Variants in IL18R1 observed in about 807,000 individuals in gnomAD.
The protein encoded by IL18R1 is interleukin-18 receptor 1.
A neutral mutation model predicts 48.5 loss-of-function variants in IL18R1; 40 were observed. The observed-to-expected ratio is 0.82, with a 90% confidence interval of 0.64 to 1.07. The LOEUF is 1.07. IL18R1 is among the 50% of genes least tolerant of loss of function. The pLI, the probability that IL18R1 is intolerant of heterozygous loss-of-function variation, is 0.00. For missense variants in IL18R1, 596 were observed against 633.7 expected (o/e 0.94, Z 0.64); for synonymous variants, 232 against 225.9 (o/e 1.03, Z -0.24).
chr2:102,370,209 T>A (rs1679172021), intron 3 of IL18R1, among the ~76,000 whole-genome samples: 1 of 152,214 alleles, frequency 6.6e-6, no homozygotes, highest in Non-Finnish European at 1.5e-5. Context: ...ATTGTTTCAG[T>A]GTTCCCAGAG....
chr2:102,356,443 C>G (rs2105013871), intron 1 of IL18R1, 43 bp downstream of exon 1: 2 of 469,726 alleles, frequency 4.3e-6, no homozygotes, highest in East Asian at 1.5e-4. Context: ...CTCCCCACCC[C>G]CCAGAGGAAG....
Position 102,386,852 on chromosome 2 carries a change from C to T in IL18R1, c.810-9C>T. 6.2e-7 allele frequency: 1 copy of T among 1,613,666 alleles called. No individual in the cohort carries two copies. The highest frequency in any genetic ancestry group is 2.2e-5 in the East Asian group (1 of 44,894). On this transcript the variant is annotated splice_polypyrimidine_tract_variant and intron_variant, in intron 7 of 10. Coordinates refer to ENST00000233957, the MANE Select transcript of IL18R1 (RefSeq NM_003855.5). ...GAGCCTACTGCTAAATTATTTTGCCCTCTTACAGGACTCCAGAAGGCAAAT... is the reference window on the plus strand; with the variant it reads ...GAGCCTACTGCTAAATTATTTTGCCTTCTTACAGGACTCCAGAAGGCAAAT...
Position 102,388,979 on chromosome 2 carries a change from T to C in IL18R1, c.950-1077T>C, listed in dbSNP as rs1304450292. ...AGAAAGAATTAGAAATATGGATAAA[T>C]GTATATGCCTTTTTGTATATGTATA... On this transcript the variant is annotated intron_variant, in intron 8 of 10. Transcript: ENST00000233957. 2.6e-5 allele frequency among the ~76,000 whole-genome samples: 4 copies of C among 152,210 alleles called. No homozygotes were observed. In the East Asian group the frequency reaches 7.7e-4, roughly 29 times the overall value.
intron 4 of IL18R1, among the ~76,000 whole-genome samples, chr2:102,374,702 C>T (rs577456417): frequency 4.0e-5 from 6 of 151,568 alleles, no homozygotes; most frequent in East Asian, 1.9e-4. Context: ...CACTTGAACC[C>T]GGGAGGCAGA....
intron 10 of IL18R1, among the ~76,000 whole-genome samples, chr2:102,396,006 C>A (rs931568761): frequency 2.6e-5 from 4 of 152,136 alleles, no homozygotes. Context: ...GTTTGCCAAC[C>A]CCTGGTCTAA....
In IL18R1 at chr2:102,395,063, A is replaced by G. The variant is rs1680750523; in HGVS notation, c.1270+436A>G. Among the ~76,000 whole-genome samples the G allele has an allele frequency of 2.0e-5, 3 of 152,194 alleles. No homozygotes were observed. In the South Asian group the frequency reaches 6.2e-4, roughly 31 times the overall value. Reference sequence around the variant, plus strand: ...CGGGTTAATTATTACTAGAAAATGCATGGGTTTTTATTGTGTTGATATTGG... The same window carrying G: ...CGGGTTAATTATTACTAGAAAATGCGTGGGTTTTTATTGTGTTGATATTGG... On this transcript the variant is annotated intron_variant, in intron 10 of 10. Transcript: ENST00000233957.
In IL18R1 at chr2:102,372,113, T is replaced by C; in HGVS notation, c.463T>C (p.Tyr155His). The change falls in exon 4 of 11, where the codon TAT becomes CAT. Residue 155 changes from tyrosine to histidine, a missense_variant. By Grantham distance (83) the Tyr-to-His change is moderately conservative. Around this residue, in one of 3 missense-constraint regions of IL18R1, gnomAD observed 360 missense variants for 339.4 expected, o/e 1.06. Transcript: ENST00000233957. ...AACACTGGTCAACAGCACATCATTG[T>C]ATAAGGTAATGCTTTTATAATATTT... ...YQTLVNSTSL[Y>H]KNCKKLLLEN... The C allele has an allele frequency of 6.3e-7, 1 of 1,583,520 alleles. No individual in the cohort carries two copies. Among genetic ancestry groups the C allele is most frequent in the South Asian group, 1.2e-5 (1 of 85,108 alleles).
At chr2:102,358,002 T>C (rs989544987) in intron 1 of IL18R1, among the ~76,000 whole-genome samples, 1 of 133,848 alleles carries the variant, frequency 7.5e-6, no homozygotes, top group Non-Finnish European at 1.7e-5. Context: ...AGAAAAATTA[T>C]ATTAAAAAAA....
intron 4 of IL18R1, among the ~76,000 whole-genome samples, chr2:102,375,257 G>T (rs1450608551): frequency 6.6e-6 from 1 of 152,160 alleles, no homozygotes; most frequent in Non-Finnish European, 1.5e-5. Context: ...TGTCAGATGT[G>T]CTGGATTGAA....
rs756338040 is a variant in IL18R1, at chr2:102,372,034, A to C, written c.384A>C (p.Lys128Asn). 3 of 1,602,772 alleles carry C rather than the reference A, an allele frequency of 1.9e-6. No homozygotes were observed. The highest frequency in any genetic ancestry group is 3.4e-5 in the Admixed American group (2 of 58,556). ...TCACTGAAAGACAAGTAACTAGTAA[A>C]ATTGTGGAAGTTAAAAAATTTTTTC... is the stretch of plus-strand genomic sequence containing the variant. ...SCFTERQVTS[K>N]IVEVKKFFQI... Residue 128 changes from lysine (K) to asparagine (N), a missense_variant, in exon 4 of 11, where the codon AAA (lysine) becomes AAC (asparagine). By Grantham distance (94) the Lys-to-Asn change is moderately conservative (BLOSUM62 0). Around this residue, in one of 3 missense-constraint regions of IL18R1, gnomAD observed 360 missense variants for 339.4 expected, o/e 1.06. Coordinates refer to ENST00000233957, the MANE Select transcript of IL18R1 (RefSeq NM_003855.5).
chr2:102,366,926 C>T (rs888683508), intron 2 of IL18R1, among the ~76,000 whole-genome samples: 4 of 152,320 alleles, frequency 2.6e-5, no homozygotes, highest in African/African-American at 7.2e-5. Context: ...CAGACTGCTG[C>T]TTTGAGAAAC....
At position 102,386,375 on chromosome 2, in the gene IL18R1, C is replaced by T. The variant is rs115554557; in HGVS notation, c.810-486C>T. ...CTTAACTGGCACTTCTCATGTGCCT[C>T]GGGGTGCTTGAGAACAGTGTTATGT... On this transcript the variant is annotated intron_variant, in intron 7 of 10. Transcript: ENST00000233957. Among the ~76,000 whole-genome samples the T allele has an allele frequency of 6.1e-3, 930 of 152,318 alleles. 17 individuals carry two copies. Among genetic ancestry groups the T allele is most frequent in the African/African-American group, 0.021 (869 of 41,548 alleles).
intron 8 of IL18R1, among the ~76,000 whole-genome samples, chr2:102,387,273 T>C (rs1017517813): frequency 4.6e-5 from 7 of 151,958 alleles, no homozygotes; most frequent in African/African-American, 1.7e-4. Flanking sequence ...ATGCTGAGAG[T>C]GAGGCTCATG....
chr2:102,375,323 G>A (rs1679509991), intron 4 of IL18R1, among the ~76,000 whole-genome samples: 5 of 152,208 alleles, frequency 3.3e-5, no homozygotes, highest in Admixed American at 3.3e-4. Flanking sequence ...GGAAATGTGT[G>A]TGAGAGAGAG....
At chr2:102,374,170 T>C (rs1436712719) in intron 4 of IL18R1, among the ~76,000 whole-genome samples, 1 of 152,088 alleles carries the variant, frequency 6.6e-6, no homozygotes, top group African/African-American at 2.4e-5. Context: ...GTCAAAACGG[T>C]TGGGGACAGC....
intron 1 of IL18R1, among the ~76,000 whole-genome samples, chr2:102,359,021 ATG>A (rs140578887): frequency 4.0e-5 from 6 of 151,032 alleles, no homozygotes; most frequent in African/African-American, 7.3e-5. Context: ...GTGTGTGAGC[ATG>A]TGTGTGTGTG....
In IL18R1 at chr2:102,375,962, C is replaced by T. The variant is rs1351379372; in HGVS notation, c.524C>T (p.Ala175Val). The change falls in exon 5 of 11, where the codon GCC becomes GTC. Residue 175 changes from alanine to valine, a missense_variant. Ala to Val is a moderately conservative substitution (Grantham distance 64, BLOSUM62 0). Coordinates refer to ENST00000233957, the MANE Select transcript of IL18R1 (RefSeq NM_003855.5). ...NNKNPTIKKN[A>V]EFEDQGYYSC... is the part of the protein sequence containing the mutation. ...AAAAACCCAACGATAAAGAAGAACG[C>T]CGAGTTTGAAGATCAGGGGTATTAC... The T allele has an allele frequency of 6.2e-7, 1 of 1,606,190 alleles. No individual in the cohort carries two copies. Among genetic ancestry groups the T allele is most frequent in the African/African-American group, 1.3e-5 (1 of 74,520 alleles).
intron 4 of IL18R1, among the ~76,000 whole-genome samples, chr2:102,374,203 C>A (rs1261366542): frequency 1.3e-5 from 2 of 152,136 alleles, no homozygotes. Context: ...TATGGAATAA[C>A]AAATCTGAAT....
At chr2:102,390,934 CAAAA>C (rs57709990) in intron 9 of IL18R1, among the ~76,000 whole-genome samples, 5 of 80,240 alleles carry the variant, frequency 6.2e-5, no homozygotes, top group Admixed American at 1.3e-4. Context: ...GACTCCGTCT[CAAAA>C]AAAAAAAAAA....
Sources: allele counts gnomAD v4.1 joint callset (sites outside exome capture counted in the v4.1 genomes callset), GRCh38; gene constraint gnomAD v4.1.1; regional missense constraint gnomAD v4.1.1; transcripts MANE v1.5; gene names NCBI Gene and HGNC (gene_info 2026-07-23, HGNC 2026-07-21).